The following MALRD1 variants were observed in gnomAD, a reference collection of about 807,000 sequenced individuals.
MALRD1 encodes MAM and LDL receptor class A domain containing 1.
In MALRD1, 247 loss-of-function variants were observed where a neutral mutation model predicts 242.1. That is an observed-to-expected ratio of 1.02 (90% CI 0.92 to 1.13). MALRD1 has a LOEUF of 1.13. MALRD1 is among the 50% of genes most tolerant of loss of function. The pLI is 0.00. For synonymous variants in MALRD1, 995 were observed against 866.6 expected (o/e 1.15, Z -2.60); for missense variants, 2,989 against 2,533.1 (o/e 1.18, Z -3.86).
At chr10:19,275,388 G>C (rs1396319881) in intron 19 of MALRD1, among the ~76,000 whole-genome samples, 1 of 152,140 alleles carries the variant, frequency 6.6e-6, no homozygotes, top group Non-Finnish European at 1.5e-5. Context: ...TCAGAAATCG[G>C]CCGGGTGCGG....
intron 21 of MALRD1, among the ~76,000 whole-genome samples, chr10:19,290,932 T>C (rs1841389683): frequency 6.6e-6 from 1 of 152,160 alleles, no homozygotes; most frequent in African/African-American, 2.4e-5. Flanking sequence ...GTTTAATTGG[T>C]CAAGTCTCTT....
intron 38 of MALRD1, among the ~76,000 whole-genome samples, chr10:19,695,069 T>G (rs1192200719): frequency 1.3e-5 from 2 of 152,084 alleles, no homozygotes; most frequent in African/African-American, 4.8e-5. Context: ...CCGGGGCCTG[T>G]CATGGGGTGG....
chr10:19,692,773 T>A (rs917895711), intron 38 of MALRD1, among the ~76,000 whole-genome samples: 22 of 140,890 alleles, frequency 1.6e-4, no homozygotes, highest in Admixed American at 1.4e-3. Context: ...CTTTTCAGAT[T>A]ATATTAGGAG....
intron 36 of MALRD1, among the ~76,000 whole-genome samples, chr10:19,691,842 G>A (rs1564545100): frequency 1.3e-5 from 2 of 152,064 alleles, no homozygotes; most frequent in African/African-American, 4.8e-5. Context: ...AAATAAATGT[G>A]TTCTTTGGTT....
intron 36 of MALRD1, among the ~76,000 whole-genome samples, chr10:19,627,648 C>T (rs534905512): frequency 6.6e-6 from 1 of 151,254 alleles, no homozygotes; most frequent in Non-Finnish European, 1.5e-5. Flanking sequence ...GTAATCCCAG[C>T]TACACGGGAA....
chr10:19,424,506 A>G (rs1382885792), intron 28 of MALRD1, among the ~76,000 whole-genome samples: 2 of 152,222 alleles, frequency 1.3e-5, no homozygotes, highest in African/African-American at 4.8e-5. Flanking sequence ...GTTCTAAAAC[A>G]ATATTTAAAA....
intron 29 of MALRD1, among the ~76,000 whole-genome samples, chr10:19,468,103 T>C (rs1476464139): frequency 2.6e-5 from 1 of 38,184 alleles, no homozygotes; most frequent in Non-Finnish European, 4.4e-5. Flanking sequence ...CTAGATACTT[T>C]AAAACAAAAA....
At chr10:19,574,445 T>A (rs1369148436) in intron 33 of MALRD1, among the ~76,000 whole-genome samples, 2 of 152,176 alleles carry the variant, frequency 1.3e-5, no homozygotes, top group African/African-American at 4.8e-5. Context: ...ACCAGTGACC[T>A]CAGCCTCCAA....
chr10:19,537,562 A>T (rs774434487), intron 32 of MALRD1, among the ~76,000 whole-genome samples: 1 of 152,080 alleles, frequency 6.6e-6, no homozygotes, highest in East Asian at 1.9e-4. Flanking sequence ...GTATTCAAAC[A>T]TCATCTTTCT....
At chr10:19,437,085 A>G (rs547007892) in intron 28 of MALRD1, among the ~76,000 whole-genome samples, 1 of 73,728 alleles carries the variant, frequency 1.4e-5, no homozygotes, top group Non-Finnish European at 3.3e-5. Flanking sequence ...TAGCAAAACG[A>G]GTGTGATTTT....
intron 33 of MALRD1, among the ~76,000 whole-genome samples, chr10:19,589,538 A>T (rs1229624249): frequency 6.6e-6 from 1 of 152,178 alleles, no homozygotes; most frequent in Non-Finnish European, 1.5e-5. Flanking sequence ...ACATAAACTA[A>T]GCTTTCATAT....
chr10:19,108,099 C>G (rs1306959614), intron 5 of MALRD1, among the ~76,000 whole-genome samples: 1 of 152,100 alleles, frequency 6.6e-6, no homozygotes, highest in Non-Finnish European at 1.5e-5. Flanking sequence ...CTTTCTTCAT[C>G]TTTTCTCCCT....
intron 9 of MALRD1, among the ~76,000 whole-genome samples, chr10:19,136,150 G>A (rs916203512): frequency 2.0e-5 from 3 of 152,222 alleles, no homozygotes; most frequent in East Asian, 1.9e-4. Flanking sequence ...TGCAGTTACA[G>A]CTCTTGTTCT....
At chr10:19,156,964 T>C (rs1026146897) in intron 12 of MALRD1, among the ~76,000 whole-genome samples, 2 of 152,190 alleles carry the variant, frequency 1.3e-5, no homozygotes, top group African/African-American at 4.8e-5. Flanking sequence ...AGGCTATGGA[T>C]ACTGACTTAA....
chr10:19,184,543 GTTGTT>G (rs111780478), intron 14 of MALRD1, among the ~76,000 whole-genome samples: 44,134 of 151,520 alleles, frequency 0.29, 6,799 homozygotes, highest in Admixed American at 0.36. Flanking sequence ...TGTAGTTGTT[GTTGTT>G]TTGTTTTGTT....
At chr10:19,137,621 A>AAC (rs1564416223) in intron 10 of MALRD1, among the ~76,000 whole-genome samples, 4 of 148,172 alleles carry the variant, frequency 2.7e-5, no homozygotes, top group Non-Finnish European at 4.4e-5. Flanking sequence ...AAAAAAAAAA[A>AAC]AAAAAAAAAA....
chr10:19,518,171 T>G (rs1221135461), intron 31 of MALRD1, among the ~76,000 whole-genome samples: 1 of 152,208 alleles, frequency 6.6e-6, no homozygotes, highest in Non-Finnish European at 1.5e-5. Context: ...CTCTGTTGTT[T>G]GTTATACTCC....
chr10:19,273,259 T>A (rs1840346087), intron 19 of MALRD1, among the ~76,000 whole-genome samples: 1 of 152,170 alleles, frequency 6.6e-6, no homozygotes, highest in African/African-American at 2.4e-5. Flanking sequence ...TGCAAGGATG[T>A]GGAGCAACAG....
chr10:19,508,185 GT>G (rs1833228940), intron 31 of MALRD1, among the ~76,000 whole-genome samples: 1 of 152,102 alleles, frequency 6.6e-6, no homozygotes, highest in Admixed American at 6.6e-5. Context: ...TTTCATTAGT[GT>G]TTTTACTTTT....
Sources: gnomAD v4.1 joint callset for allele counts (sites outside exome capture counted in the v4.1 genomes callset) on GRCh38, gnomAD v4.1.1 for gene constraint, MANE v1.5 for transcripts, NCBI Gene and HGNC (gene_info 2026-07-23, HGNC 2026-07-21) for gene names.